The following DNAH11 variants were observed in gnomAD, a reference collection of about 807,000 sequenced individuals.
DNAH11 encodes axonemal beta dynein heavy chain 11.
DNAH11 carries 442 observed loss-of-function variants against 526.0 expected under a neutral mutation model. That is an observed-to-expected ratio of 0.84 (90% CI 0.78 to 0.91). The LOEUF is 0.91. Among genes scored for constraint, DNAH11 ranks in the 40% least tolerant of loss-of-function variants. The pLI is 0.00. For synonymous variants in DNAH11, 2,461 were observed against 1,935.9 expected (o/e 1.27, Z -7.12); for missense variants, 6,989 against 5,448.7 (o/e 1.28, Z -8.90).
intron 30 of DNAH11, among the ~76,000 whole-genome samples, chr7:21,663,132 G>C (rs570602416): frequency 6.6e-6 from 1 of 152,046 alleles, no homozygotes; most frequent in East Asian, 1.9e-4. Flanking sequence ...AGTTCCCTGC[G>C]TGTTGCTACA....
At chr7:21,559,398 T>C (rs552229774) in intron 3 of DNAH11, among the ~76,000 whole-genome samples, 6 of 152,360 alleles carry the variant, frequency 3.9e-5, no homozygotes, top group African/African-American at 1.4e-4. Context: ...GATATAATTC[T>C]TTAACAGTGT....
intron 26 of DNAH11, 123 bp downstream of exon 26, chr7:21,636,218 C>T (rs547499853): frequency 3.9e-6 from 3 of 760,032 alleles, no homozygotes; most frequent in East Asian, 2.7e-5. Flanking sequence ...GGAGACTTTT[C>T]CTGCAAAGGG....
At chr7:21,856,915 A>C (rs1782873425) in intron 68 of DNAH11, among the ~76,000 whole-genome samples, 1 of 152,252 alleles carries the variant, frequency 6.6e-6, no homozygotes, top group South Asian at 2.1e-4. Flanking sequence ...CGCTAAAATC[A>C]GGAACAAGAC....
At position 21,750,998 on chromosome 7, in the gene DNAH11, G is replaced by A. The variant is rs62445330; in HGVS notation, c.8940+634G>A. Among the ~76,000 whole-genome samples, 661 of 152,244 alleles carry A rather than the reference G, an allele frequency of 4.3e-3. 1 individual carries two copies. Among genetic ancestry groups the A allele is most frequent in the Non-Finnish European group, 7.5e-3 (509 of 68,026 alleles). The stretch of plus-strand genomic sequence containing the variant: ...TTTGAATTAAGAAAGTGATGATGAT[G>A]TCAGTGACTTCAGGGAAAGGAATTT... On this transcript the variant is annotated intron_variant, in intron 54 of 81. Transcript: ENST00000409508.
chr7:21,851,428 A>G (rs987611001), intron 66 of DNAH11: 1 of 375,498 alleles, frequency 2.7e-6, no homozygotes, highest in Non-Finnish European at 5.4e-6. Flanking sequence ...CCTTGAGAGC[A>G]GATTAATACA....
intron 49 of DNAH11, among the ~76,000 whole-genome samples, chr7:21,744,160 A>T (rs1017384906): frequency 1.3e-5 from 2 of 152,238 alleles, no homozygotes; most frequent in African/African-American, 4.8e-5. Context: ...GTAAGGCTTA[A>T]TAGGCTCAAG....
intron 25 of DNAH11, among the ~76,000 whole-genome samples, chr7:21,625,931 T>A (rs1786311480): frequency 6.6e-6 from 1 of 152,168 alleles, no homozygotes; most frequent in Non-Finnish European, 1.5e-5. Flanking sequence ...ACATTTATGT[T>A]TTTTTATATT....
At chr7:21,602,533 A>G (rs1035945206) in intron 18 of DNAH11, among the ~76,000 whole-genome samples, 3 of 151,482 alleles carry the variant, frequency 2.0e-5, no homozygotes, top group Non-Finnish European at 4.4e-5. Context: ...TTCTTTTTCT[A>G]TGCCAATATT....
chr7:21,709,884 T>C (rs2965404), intron 40 of DNAH11, among the ~76,000 whole-genome samples: 65,136 of 152,036 alleles, frequency 0.43, 19,757 homozygotes, highest in African/African-American at 0.82. Flanking sequence ...ATTCTAGATA[T>C]ATGCATCAAA....
rs752100705 is a variant in DNAH11, at chr7:21,735,717, A to G, written c.7518A>G (p.Leu2506=). 4.3e-6 allele frequency: 7 copies of G among 1,613,830 alleles called. No individual in the cohort carries two copies. The highest frequency in any genetic ancestry group is 5.9e-6 in the Non-Finnish European group (7 of 1,179,878). ...TGTTGCTTGAGAAAGGAAAACCTCTAATGCTAGTAGGAAATGCAGGAGTGG... is the reference window on the plus strand; with the variant it reads ...TGTTGCTTGAGAAAGGAAAACCTCTGATGCTAGTAGGAAATGCAGGAGTGG... The part of the protein sequence containing the change: ...MELLLEKGKP[L]MLVGNAGVGK... Residue 2506 remains leucine (L), a synonymous_variant, in exon 46 of 82, where the codon CTA becomes CTG. Transcript: ENST00000409508.
At chr7:21,884,636 A>T (rs1238994304) in intron 76 of DNAH11, among the ~76,000 whole-genome samples, 1 of 152,116 alleles carries the variant, frequency 6.6e-6, no homozygotes, top group Non-Finnish European at 1.5e-5. Context: ...TGTGCTAGAG[A>T]GTGCACCAGC....
chr7:21,543,297 A>T lies in DNAH11; in HGVS notation c.52A>T (p.Thr18Ser). The T allele has an allele frequency of 6.5e-7, 1 of 1,548,282 alleles. No individual in the cohort carries two copies. Among genetic ancestry groups the T allele is most frequent in the Non-Finnish European group, 8.7e-7 (1 of 1,145,850 alleles). Residue 18 changes from threonine to serine, a missense_variant, in exon 1 of 82, where the codon ACC (threonine) becomes TCC (serine). Physicochemically the swap from Thr to Ser is moderately conservative, Grantham distance 58. Coordinates refer to ENST00000409508, the MANE Select transcript of DNAH11 (RefSeq NM_001277115.2). ...GGCGCGAGACTTCAGAGAAGCCCCGACCCTTCGCCTAACCTCGGGGGCCGG... is the reference window on the plus strand; with the variant it reads ...GGCGCGAGACTTCAGAGAAGCCCCGTCCCTTCGCCTAACCTCGGGGGCCGG... ...REARDFREAPTLRLTSGAGLE... is the reference protein window; with the variant it reads ...REARDFREAPSLRLTSGAGLE...
intron 58 of DNAH11, among the ~76,000 whole-genome samples, chr7:21,784,787 C>T (rs1238788816): frequency 1.3e-5 from 2 of 152,184 alleles, no homozygotes; most frequent in African/African-American, 2.4e-5. Flanking sequence ...ATATTTCCAA[C>T]AGTGTGGGAT....
intron 28 of DNAH11, among the ~76,000 whole-genome samples, 192 bp downstream of exon 28, chr7:21,639,257 G>A (rs1787014116): frequency 6.6e-6 from 1 of 152,176 alleles, no homozygotes; most frequent in South Asian, 2.1e-4. Context: ...ATAACTGTCT[G>A]GTGCTGTGTA....
chr7:21,602,557 TTGTGTGTGTGTGTGTGTGTGTGTGTGTG>T (rs60703018), intron 18 of DNAH11, among the ~76,000 whole-genome samples: 2 of 149,016 alleles, frequency 1.3e-5, no homozygotes, highest in African/African-American at 5.0e-5. Context: ...ATTTTATAGA[TTGTGTGTGTGTGTGTGTGTGTGTGTGTG>T]TGTGTGTGTG....
chr7:21,571,613 G>T (rs558046454), intron 7 of DNAH11, among the ~76,000 whole-genome samples, 193 bp from the exon 8 acceptor site: 1 of 152,102 alleles, frequency 6.6e-6, no homozygotes, highest in Admixed American at 6.5e-5. Context: ...ATGAAAATGG[G>T]AGAGTAATTT....
intron 54 of DNAH11, among the ~76,000 whole-genome samples, chr7:21,762,701 C>G (rs1384268914): frequency 6.6e-6 from 1 of 151,922 alleles, no homozygotes; most frequent in Non-Finnish European, 1.5e-5. Context: ...AATGTTAAAC[C>G]ACATGCAAAA....
chr7:21,561,300 T>C, intron 5 of DNAH11, 130 bp downstream of exon 5: 1 of 672,022 alleles, frequency 1.5e-6, no homozygotes, highest in Non-Finnish European at 2.6e-6. Context: ...CTTCTAATGA[T>C]AAATTCATCT....
intron 20 of DNAH11, among the ~76,000 whole-genome samples, chr7:21,609,629 G>C (rs944774076): frequency 3.3e-5 from 5 of 152,220 alleles, no homozygotes; most frequent in African/African-American, 1.2e-4. Context: ...TGGTGGACCA[G>C]ACATTTTGAA....
Sources: allele counts gnomAD v4.1 joint callset (sites outside exome capture counted in the v4.1 genomes callset), GRCh38; gene constraint gnomAD v4.1.1; transcripts MANE v1.5; gene names NCBI Gene and HGNC (gene_info 2026-07-23, HGNC 2026-07-21).